Variants in GUCY2D observed in about 807,000 individuals in gnomAD.
The protein encoded by GUCY2D is retinal guanylyl cyclase 1.
Under a neutral mutation model 101.3 loss-of-function variants are expected in GUCY2D, and 70 were observed. That is an observed-to-expected ratio of 0.69 (90% CI 0.57 to 0.84). The LOEUF (loss-of-function observed/expected upper bound fraction) is 0.84. Ranked by LOEUF, GUCY2D falls within the 40% of genes least tolerant of loss-of-function variation. GUCY2D has a pLI of 0.00. For synonymous variants in GUCY2D, 688 were observed against 670.7 expected (o/e 1.03, Z -0.40); for missense variants, 1,460 against 1,542.5 (o/e 0.95, Z 0.90).
rs1975950570 is a variant in GUCY2D at position 8,015,522 on chromosome 17, A to T, written c.2944+20A>T. 1 of 1,603,618 alleles carries T rather than the reference A, an allele frequency of 6.2e-7. No homozygotes were observed. The highest frequency in any genetic ancestry group is 8.5e-7 in the Non-Finnish European group (1 of 1,174,938). ...ACTCGGGTAACTCCCGGGTCTTCCC[A>T]GGCTCCAGCCCATCTCCCTCTTTAG... On this transcript the variant is annotated intron_variant, in intron 15 of 19. Coordinates refer to ENST00000254854, the MANE Select transcript of GUCY2D (RefSeq NM_000180.4).
intron 3 of GUCY2D, among the ~76,000 whole-genome samples, chr17:8,005,946 A>G (rs1391692044): frequency 6.6e-6 from 1 of 152,150 alleles, no homozygotes; most frequent in African/African-American, 2.4e-5. Context: ...AAGCCAACCA[A>G]AAGATAGGTG....
Position 8,011,635 on chromosome 17 carries a change from C to A in GUCY2D, c.1750-509C>A, listed in dbSNP as rs577906096. On this transcript the variant is annotated intron_variant, in intron 8 of 19. Coordinates refer to ENST00000254854, the MANE Select transcript of GUCY2D (RefSeq NM_000180.4). This position sits in a 1 kb window ranked among gnomAD's most constrained non-coding sequence, Gnocchi z 4.3. ...GCCAGGAGTTCAAGACCAGCCTGGGCAACATAGCAAGGCTCCCATCTCTAC... is the reference window on the plus strand; with the variant it reads ...GCCAGGAGTTCAAGACCAGCCTGGGAAACATAGCAAGGCTCCCATCTCTAC... Among the ~76,000 whole-genome samples the A allele has an allele frequency of 6.6e-6, 1 of 152,114 alleles. No homozygotes were observed. The highest frequency in any genetic ancestry group is 1.9e-4 in the East Asian group (1 of 5,164).
At chr17:8,016,401 G>T (rs1043345241) in intron 18 of GUCY2D, 42 bp from the exon 19 acceptor site, 9 of 1,462,608 alleles carry the variant, frequency 6.2e-6, no homozygotes, top group Admixed American at 5.9e-5. Context: ...GCCCTCCCAC[G>T]CCCCATTCCC....
intron 3 of GUCY2D, 80 bp downstream of exon 3, chr17:8,004,236 A>G (rs930728851): frequency 5.5e-6 from 7 of 1,281,746 alleles, no homozygotes; most frequent in Non-Finnish European, 6.4e-6. Context: ...GATGCAGCCA[A>G]TGGAGAAAGA....
At position 8,003,867 on chromosome 17, in the gene GUCY2D, T is replaced by A; in HGVS notation, c.737T>A (p.Met246Lys). Residue 246 changes from methionine (M) to lysine (K), a missense_variant, in exon 3 of 20, where the codon ATG becomes AAG. Met to Lys is a moderately conservative substitution (Grantham distance 95). This residue lies in a region of GUCY2D where 1,196 missense variants were observed against 1,229.6 expected (regional missense o/e 0.97). Coordinates refer to ENST00000254854, the MANE Select transcript of GUCY2D (RefSeq NM_000180.4). Reference sequence around the variant, plus strand: ...CTGTCCGCAGCAGTGATCATGGTGATGCACTCGGTGCTGCTGGGTGGCGAG... The same window carrying A: ...CTGTCCGCAGCAGTGATCATGGTGAAGCACTCGGTGCTGCTGGGTGGCGAG... ...GPRVTAVIMV[M>K]HSVLLGGEEQ... The A allele has an allele frequency of 6.2e-7, 1 of 1,612,598 alleles. No individual in the cohort carries two copies. The highest frequency in any genetic ancestry group is 8.5e-7 in the Non-Finnish European group (1 of 1,179,762).
rs1598152202 is a variant in GUCY2D, at chr17:8,016,593, C to T, written c.*24+39C>T. 2.0e-5 allele frequency: 20 copies of T among 1,021,422 alleles called. 1 individual carries two copies. The South Asian group carries it at 2.6e-4, about 13-fold the overall frequency. The allele number at this position is 1,021,422 out of a possible 1,614,324, so 63.3% of individuals were successfully genotyped here. ...AGCCCCAACCCCAGCTGCCGCGTCC[C>T]CTCTGCTGCCTGCAGAACGTCCCAC... On this transcript the variant is annotated intron_variant, in intron 19 of 19. Transcript: ENST00000254854.
intron 7 of GUCY2D, 79 bp from the exon 8 acceptor site, chr17:8,009,427 T>C (rs1975806033): frequency 4.5e-6 from 4 of 893,944 alleles, no homozygotes; most frequent in South Asian, 2.6e-5. Flanking sequence ...CCAATGGAAA[T>C]GAGGGGGAGG....
rs1436874837 is a variant in GUCY2D at position 8,014,613 on chromosome 17, A to G, written c.2425A>G (p.Asn809Asp). ...DHTFDLFKNI[N>D]KGRKTNIIDS... Reference sequence around the variant, plus strand: ...CTTCTACTGCTAGTTCAAGAACATCAACAAGGGCCGGAAGACGAACATCAT... The same window carrying G: ...CTTCTACTGCTAGTTCAAGAACATCGACAAGGGCCGGAAGACGAACATCAT... Residue 809 changes from asparagine to aspartate, a missense_variant, in exon 13 of 20, where the codon AAC (asparagine) becomes GAC (aspartate). Physicochemically the swap from Asn to Asp is conservative, Grantham distance 23. Coordinates refer to ENST00000254854, the MANE Select transcript of GUCY2D (RefSeq NM_000180.4). The surrounding 1 kb of genome is among the most constrained non-coding windows in gnomAD (Gnocchi z 4.0). 1 of 1,614,154 alleles carries G rather than the reference A, an allele frequency of 6.2e-7. No individual in the cohort carries two copies. The highest frequency in any genetic ancestry group is 8.5e-7 in the Non-Finnish European group (1 of 1,180,016).
At chr17:8,016,115 T>C (rs1975968011) in intron 17 of GUCY2D, 90 bp from the exon 18 acceptor site, 2 of 1,347,582 alleles carry the variant, frequency 1.5e-6, no homozygotes, top group Non-Finnish European at 2.1e-6. Context: ...CTCACCCTTC[T>C]GACCTGGTCT....
chr17:8,014,036 G>A lies in GUCY2D; in HGVS notation c.2412+8G>A, dbSNP rs753507183. On this transcript the variant is annotated splice_region_variant and intron_variant, in intron 12 of 19. Transcript: ENST00000254854. This position sits in a 1 kb window ranked among gnomAD's most constrained non-coding sequence, Gnocchi z 4.0. ...GACCACACCTTCGACCTGGTCAGGG[G>A]CTGGGAGTGGGCAAGGACTGGGCTG... is the stretch of plus-strand genomic sequence containing the variant. 1.2e-6 allele frequency: 2 copies of A among 1,611,288 alleles called. No individual in the cohort carries two copies. The highest frequency in any genetic ancestry group is 2.2e-5 in the South Asian group (2 of 91,074).
chr17:8,003,173 G>T lies in GUCY2D; in HGVS notation c.126G>T (p.Leu42=), dbSNP rs1323200790. The T allele has an allele frequency of 5.3e-6, 8 of 1,503,306 alleles. No homozygotes were observed. Among genetic ancestry groups the T allele is most frequent in the Non-Finnish European group, 7.1e-6 (8 of 1,128,758 alleles). 93.1% of individuals were successfully genotyped at this position (1,503,306 alleles called of 1,614,324 possible). Residue 42 remains leucine, a synonymous_variant, in exon 2 of 20, where the codon CTG becomes CTT. Coordinates refer to ENST00000254854, the MANE Select transcript of GUCY2D (RefSeq NM_000180.4). Reference sequence around the variant, plus strand: ...CCCGGCTCCCGCTCCTGCTGCTCCTGCTTCTGCTGCAGCCCCCCGCCCTCT... The same window carrying T: ...CCCGGCTCCCGCTCCTGCTGCTCCTTCTTCTGCTGCAGCCCCCCGCCCTCT... The part of the protein sequence containing the change: ...ALPRLPLLLL[L]LLLQPPALSA...
Position 8,003,128 on chromosome 17 carries a change from C to T in GUCY2D, c.81C>T (p.Pro27=), listed in dbSNP as rs1361790718. The T allele has an allele frequency of 8.6e-6, 13 of 1,514,492 alleles. No homozygotes were observed. The East Asian group carries it at 3.3e-4, about 39-fold the overall frequency. The allele number at this position is 1,514,492 out of a possible 1,614,324, so 93.8% of individuals were successfully genotyped here. The change falls in exon 2 of 20, where the codon CCC becomes CCT. Residue 27 remains proline, a synonymous_variant. Transcript: ENST00000254854. ...CGPAWWAPSL[P]RLPRALPRLP... ...CCGCGTGGTGGGCTCCGTCCCTGCC[C>T]CGCCTCCCCCGGGCCCTGCCCCGGC...
At chr17:8,006,979 C>A in intron 4 of GUCY2D, 81 bp from the exon 5 acceptor site, 3 of 1,170,192 alleles carry the variant, frequency 2.6e-6, no homozygotes, top group Non-Finnish European at 3.8e-6. Flanking sequence ...CCTGGAGGGG[C>A]CAGCATGTGG....
intron 19 of GUCY2D, 179 bp downstream of exon 19, chr17:8,016,733 T>A: frequency 1.7e-6 from 1 of 584,392 alleles, no homozygotes; most frequent in Non-Finnish European, 3.1e-6. Flanking sequence ...TCAGTAGATC[T>A]GGAGTGGTTT....
chr17:8,015,742 G>GCAT lies in GUCY2D; in HGVS notation c.2945-1_2945insCAT (p.Gly982delinsAlaCys). The GCAT allele has an allele frequency of 6.2e-7, 1 of 1,605,944 alleles. No homozygotes were observed. Among genetic ancestry groups the GCAT allele is most frequent in the Middle Eastern group, 1.7e-4 (1 of 6,004 alleles). On this transcript the variant is annotated protein_altering_variant and splice_region_variant. Coordinates refer to ENST00000254854, the MANE Select transcript of GUCY2D (RefSeq NM_000180.4). ...CCCGCCGACCCCCAGCATCTCCACA[G>GCAT]GTCCATGCGTGGCAGGCGTGGTGGG...
At position 8,007,498 on chromosome 17, in the gene GUCY2D, T is replaced by C. The variant is rs376601845; in HGVS notation, c.1536T>C (p.Phe512=). The change falls in exon 6 of 20, where the codon TTT becomes TTC. Residue 512 remains phenylalanine (F), a synonymous_variant. Transcript: ENST00000254854. The stretch of plus-strand genomic sequence containing the variant: ...TCCTGACCGTGGACGACATCACCTT[T>C]CTCCACCCACATGGGGGCACCTCTC... ...KIILTVDDIT[F]LHPHGGTSRK... is the part of the protein sequence containing the mutation. 6.1e-5 allele frequency: 99 copies of C among 1,611,454 alleles called. No individual in the cohort carries two copies. Among genetic ancestry groups the C allele is most frequent in the Non-Finnish European group, 8.2e-5 (96 of 1,177,738 alleles).
rs1172110602 is a variant in GUCY2D at position 8,012,617 on chromosome 17, C to T, written c.2113+11C>T. 2 of 1,607,858 alleles carry T rather than the reference C, an allele frequency of 1.2e-6. No homozygotes were observed. The highest frequency in any genetic ancestry group is 1.7e-6 in the Non-Finnish European group (2 of 1,175,418). ...CTCCCAGAGCGGAGGGTAAGAGTCC[C>T]CTGTGCAGACGAGGATCCACCGGGA... On this transcript the variant is annotated intron_variant, in intron 10 of 19. Transcript: ENST00000254854.
In GUCY2D at chr17:8,003,834, C is replaced by A; in HGVS notation, c.722-18C>A. ...GCCGGCAGCCGGACGGCGCCGCGAG[C>A]CAAGCCTCTGTCCGCAGCAGTGATC... On this transcript the variant is annotated intron_variant, in intron 2 of 19. Coordinates refer to ENST00000254854, the MANE Select transcript of GUCY2D (RefSeq NM_000180.4). 1 of 1,609,872 alleles carries A rather than the reference C, an allele frequency of 6.2e-7. No homozygotes were observed. Among genetic ancestry groups the A allele is most frequent in the East Asian group, 2.2e-5 (1 of 44,866 alleles).
Position 8,013,754 on chromosome 17 carries a change from T to A in GUCY2D, c.2264-126T>A. 1 of 760,860 alleles carries A rather than the reference T, an allele frequency of 1.3e-6. No individual in the cohort carries two copies. The allele number at this position is 760,860 out of a possible 1,614,324, so 47.1% of individuals were successfully genotyped here. A position where few individuals can be genotyped will look rare whatever the true frequency, so the allele number is the denominator to read the frequency against. The stretch of plus-strand genomic sequence containing the variant: ...TCCCTCCACACACACACACTGAACC[T>A]CTGATGTAAAGAAACCCCTGCCAGG... On this transcript the variant is annotated intron_variant, in intron 11 of 19. Transcript: ENST00000254854. This position sits in a 1 kb window ranked among gnomAD's most constrained non-coding sequence, Gnocchi z 5.0.
Sources: gnomAD v4.1 joint callset for allele counts (sites outside exome capture counted in the v4.1 genomes callset) on GRCh38, gnomAD v4.1.1 for gene constraint, gnomAD v4.1.1 regional missense constraint, Gnocchi (gnomAD v3.1) non-coding constraint, MANE v1.5 for transcripts, NCBI Gene and HGNC (gene_info 2026-07-23, HGNC 2026-07-21) for gene names.